ARID2: variants seen among roughly 807,000 people sequenced by gnomAD.
The protein encoded by ARID2 is AT-rich interaction domain 2.
Under a neutral mutation model 184.6 loss-of-function variants are expected in ARID2, and 32 were observed. The observed-to-expected ratio is 0.17, with a 90% confidence interval of 0.13 to 0.23. ARID2 has a LOEUF of 0.23. ARID2 is among the 10% of genes least tolerant of loss of function. The pLI is 1.00. For missense variants in ARID2, 1,696 were observed against 2,197.6 expected (o/e 0.77, Z 4.56); for synonymous variants, 836 against 772.6 (o/e 1.08, Z -1.36).
intron 20 of ARID2, 60 bp downstream of exon 20, chr12:45,893,781 G>A (rs1381834559): frequency 3.0e-6 from 4 of 1,321,986 alleles, no homozygotes; most frequent in Non-Finnish European, 3.1e-6. Flanking sequence ...TTACATATAA[G>A]TTAATAAAAT....
chr12:45,825,007 T>G (rs1008260133), intron 6 of ARID2, among the ~76,000 whole-genome samples: 7 of 151,900 alleles, frequency 4.6e-5, no homozygotes, highest in Admixed American at 2.6e-4. Context: ...TGAGAAATAT[T>G]TCATGTTCTC....
At chr12:45,730,873 CTTTTTTTTTTTT>C (rs564524227) in intron 2 of ARID2, among the ~76,000 whole-genome samples, 1 of 96,688 alleles carries the variant, frequency 1.0e-5, no homozygotes, top group African/African-American at 4.0e-5. Flanking sequence ...TCCTTTTGAA[CTTTTTTTTTTTT>C]TTTTTTTTTT....
intron 3 of ARID2, among the ~76,000 whole-genome samples, chr12:45,781,174 A>C (rs574973690): frequency 1.5e-4 from 23 of 150,488 alleles, no homozygotes; most frequent in African/African-American, 5.1e-4. Context: ...GTGAGTTCTG[A>C]ATCTGGGCAC....
At chr12:45,743,378 G>A (rs1209750504) in intron 3 of ARID2, among the ~76,000 whole-genome samples, 1 of 151,728 alleles carries the variant, frequency 6.6e-6, no homozygotes, top group East Asian at 1.9e-4. Flanking sequence ...CAAAAAAAAA[G>A]AGAGACAAAT....
intron 4 of ARID2, among the ~76,000 whole-genome samples, chr12:45,813,403 A>G (rs185183113): frequency 9.2e-5 from 14 of 151,428 alleles, no homozygotes; most frequent in Non-Finnish European, 1.6e-4. Context: ...TTTTCTTTTA[A>G]TGTGTTATTA....
At chr12:45,875,417 A>G (rs1007966965) in intron 16 of ARID2, among the ~76,000 whole-genome samples, 2 of 152,226 alleles carry the variant, frequency 1.3e-5, no homozygotes, top group Non-Finnish European at 2.9e-5. Context: ...AAGAGTCCTC[A>G]GATTTTCAGA....
In ARID2 at chr12:45,811,439, A is replaced by G; in HGVS notation, c.306A>G (p.Lys102=). 1.2e-6 allele frequency: 2 copies of G among 1,612,522 alleles called. No homozygotes were observed. The highest frequency in any genetic ancestry group is 1.7e-6 in the Non-Finnish European group (2 of 1,179,020). The change falls in exon 4 of 21, where the codon AAA becomes AAG. Residue 102 remains lysine, a synonymous_variant. Coordinates refer to ENST00000334344, the MANE Select transcript of ARID2 (RefSeq NM_152641.4). The part of the protein sequence containing the change: ...YYLRYLEKYE[K]VHHFGEDDDE... Reference sequence around the variant, plus strand: ...TCAGTTACCTAGAAAAGTACGAGAAAGTTCATCATTTTGGGGAGGATGATG... The same window carrying G: ...TCAGTTACCTAGAAAAGTACGAGAAGGTTCATCATTTTGGGGAGGATGATG...
rs1239812351 is a variant in ARID2, at chr12:45,808,753, GTGTGTGTA to G, written c.285-2657_285-2650del. Among the ~76,000 whole-genome samples, 332 of 151,948 alleles carry G rather than the reference GTGTGTGTA, an allele frequency of 2.2e-3. 12 individuals carry two copies. In the South Asian group the frequency reaches 0.066, roughly 30 times the overall value. On this transcript the variant is annotated intron_variant, in intron 3 of 20. Transcript: ENST00000334344. ...TTTGCGTGCGTGTGTGTGTGTGTGT[GTGTGTGTA>G]TGTGTGTGTGTGTGTGTTGAGACGA...
rs745594897 is a variant in ARID2 at position 45,849,646 on chromosome 12, T to C, written c.1782T>C (p.Ile594=). Residue 594 remains isoleucine, a synonymous_variant, in exon 14 of 21, where the codon ATT becomes ATC. Transcript: ENST00000334344. The stretch of plus-strand genomic sequence containing the variant: ...CCAGTAGCAATGGGCAGGCACATAT[T>C]CATGTGGTAGGAGTAAAACGGAGGG... The part of the protein sequence containing the change: ...EDSSSNGQAH[I]HVVGVKRRAI... 6 of 1,613,756 alleles carry C rather than the reference T, an allele frequency of 3.7e-6. No homozygotes were observed. The Admixed American group carries it at 1.0e-4, about 27-fold the overall frequency.
intron 3 of ARID2, among the ~76,000 whole-genome samples, chr12:45,736,356 G>GA (rs201995453): frequency 0.016 from 1,951 of 120,388 alleles, 29 homozygotes; most frequent in African/African-American, 0.046. Context: ...GACTCCGTCT[G>GA]AAAAAAAAAA....
At chr12:45,841,409 A>G (rs893873144) in intron 11 of ARID2, 5 of 151,908 alleles carry the variant, frequency 3.3e-5, no homozygotes, top group Admixed American at 6.5e-5. Flanking sequence ...GAAAAGAGTT[A>G]ATTTTCAGCT....
intron 16 of ARID2, among the ~76,000 whole-genome samples, chr12:45,866,269 C>T (rs1163945637): frequency 2.0e-5 from 3 of 152,078 alleles, no homozygotes; most frequent in African/African-American, 7.2e-5. Flanking sequence ...AATAGAACTG[C>T]TCGTCCTTTT....
rs1944551884 is a variant in ARID2, at chr12:45,907,966, C to G, written c.*2888C>G. ...ATCCAACCCACACCTGAGAACTCGT[C>G]TCATTACTTTATAGTCATGTCATGT... On this transcript the variant is annotated 3_prime_UTR_variant, in exon 21 of 21. Transcript: ENST00000334344. 4.3e-6 allele frequency: 1 copy of G among 230,822 alleles called. No individual in the cohort carries two copies. The highest frequency in any genetic ancestry group is 5.6e-5 in the Admixed American group (1 of 17,714). The allele number at this position is 230,822 out of a possible 1,614,324, so 14.3% of individuals were successfully genotyped here. A position where few individuals can be genotyped will look rare whatever the true frequency, so the allele number is the denominator to read the frequency against.
chr12:45,730,091 T>C lies in ARID2; in HGVS notation c.140T>C (p.Leu47Pro). ...IPAVGGKELD[L>P]HGLYTRVTTL... ...GCGGTGGGTGGGAAGGAGCTGGATC[T>C]TCACGGTCTCTACACCAGAGTCACT... is the stretch of plus-strand genomic sequence containing the variant. Residue 47 changes from leucine (L) to proline (P), a missense_variant, in exon 2 of 21, where the codon CTT (leucine) becomes CCT (proline). Physicochemically the swap from Leu to Pro is moderately conservative, Grantham distance 98 (BLOSUM62 -3). Around this residue, in one of 11 missense-constraint regions of ARID2, gnomAD observed 54 missense variants for 59.9 expected, o/e 0.90. Transcript: ENST00000334344. 6.2e-7 allele frequency: 1 copy of C among 1,613,470 alleles called. No individual in the cohort carries two copies. The highest frequency in any genetic ancestry group is 8.5e-7 in the Non-Finnish European group (1 of 1,179,712).
chr12:45,883,523 T>C (rs932340153), intron 16 of ARID2, among the ~76,000 whole-genome samples: 7 of 148,778 alleles, frequency 4.7e-5, no homozygotes, highest in African/African-American at 1.7e-4. Context: ...GAGAATTATA[T>C]ACCAATGCTA....
At position 45,874,588 on chromosome 12, in the gene ARID2, G is replaced by A. The variant is rs533540047; in HGVS notation, c.4922+13639G>A. ...TCTGCTTCTAGTTCTCTTGCTATTT[G>A]TATCATATTTGCTGTTACTTCCTCC... On this transcript the variant is annotated intron_variant, in intron 16 of 20. Coordinates refer to ENST00000334344, the MANE Select transcript of ARID2 (RefSeq NM_152641.4). Among the ~76,000 whole-genome samples, 4 of 152,214 alleles carry A rather than the reference G, an allele frequency of 2.6e-5. No homozygotes were observed. In the South Asian group the frequency reaches 8.3e-4, roughly 32 times the overall value.
chr12:45,874,018 C>T (rs191002446), intron 16 of ARID2: 3 of 152,286 alleles, frequency 2.0e-5, no homozygotes, highest in East Asian at 1.9e-4. Context: ...CACGGTAGAA[C>T]TTCTTTCAAA....
chr12:45,731,184 C>T (rs368869330), intron 2 of ARID2, 33 bp from the exon 3 acceptor site: 3 of 1,462,390 alleles, frequency 2.1e-6, no homozygotes, highest in Non-Finnish European at 1.9e-6. Flanking sequence ...TTAGATTGTT[C>T]ACGTTCAGAC....
chr12:45,749,219 G>C (rs925992894), intron 3 of ARID2, among the ~76,000 whole-genome samples: 1 of 152,224 alleles, frequency 6.6e-6, no homozygotes, highest in Admixed American at 6.5e-5. Context: ...TGTGTCAGCA[G>C]CATGAAAACA....
Sources: gnomAD v4.1 joint callset for allele counts (sites outside exome capture counted in the v4.1 genomes callset) on GRCh38, gnomAD v4.1.1 for gene constraint, gnomAD v4.1.1 regional missense constraint, MANE v1.5 for transcripts, NCBI Gene and HGNC (gene_info 2026-07-23, HGNC 2026-07-21) for gene names.